The following SLCO6A1 variants were observed in gnomAD, a reference collection of about 807,000 sequenced individuals.
The protein encoded by SLCO6A1 is solute carrier organic anion transporter family member 6A1, also known as cancer/testis antigen 48.
A neutral mutation model predicts 72.7 loss-of-function variants in SLCO6A1; 65 were observed. The observed-to-expected ratio is 0.89, with a 90% CI of 0.73 to 1.10. The LOEUF (loss-of-function observed/expected upper bound fraction) is 1.10. Ranked by LOEUF, SLCO6A1 falls within the 50% of genes least tolerant of loss-of-function variation. The pLI, the probability that SLCO6A1 is intolerant of heterozygous loss-of-function variation, is 0.00. For synonymous variants in SLCO6A1, 314 were observed against 298.2 expected, an observed-to-expected ratio of 1.05 and a Z score of -0.55; for missense variants, 874 against 872.6, an observed-to-expected ratio of 1.00 and a Z score of -0.02.
In SLCO6A1 at chr5:102,388,785, T is replaced by C. The variant is rs750919992; in HGVS notation, c.1920A>G (p.Glu640=). 1 of 1,608,596 alleles carries C rather than the reference T, an allele frequency of 6.2e-7. No homozygotes were observed. The highest frequency in any genetic ancestry group is 8.5e-7 in the Non-Finnish European group (1 of 1,178,316). Reference sequence around the variant, plus strand: ...TAACATCCCGTAAAATACAAGAAGTTTCTCCTGACATTTTAAAGATTGATG... The same window carrying C: ...TAACATCCCGTAAAATACAAGAAGTCTCTCCTGACATTTTAAAGATTGATG... The part of the protein sequence containing the change: ...PGPSIFKMSG[E]TSCILRDVNK... Residue 640 remains glutamate, a synonymous_variant, in exon 12 of 14, where the codon GAA becomes GAG. Coordinates refer to ENST00000506729, the MANE Select transcript of SLCO6A1 (RefSeq NM_173488.5).
chr5:102,410,673 T>C (rs918774323), intron 9 of SLCO6A1, among the ~76,000 whole-genome samples: 2 of 152,134 alleles, frequency 1.3e-5, no homozygotes, highest in Non-Finnish European at 2.9e-5. Context: ...GTGTTAGCAT[T>C]TTCCCAGAGA....
rs762072743 is a variant in SLCO6A1, at chr5:102,498,782, C to A, written c.63G>T (p.Pro21=). 3.7e-6 allele frequency: 6 copies of A among 1,614,032 alleles called. No individual in the cohort carries two copies. In the Admixed American group the frequency reaches 5.0e-5, roughly 13 times the overall value. Residue 21 remains proline (P), a synonymous_variant, in exon 1 of 14, where the codon CCG becomes CCT. Transcript: ENST00000506729. ...CAGGCTGGGCCCGCGCGGCCTCCAG[C>A]GGCTCTACTCCCCTTGAGACTTCAT... ...SQDEVSRGVE[P]LEAARAQPAK...
At chr5:102,399,481 A>C (rs1747277818) in intron 10 of SLCO6A1, 74 bp downstream of exon 10, 1 of 1,010,498 alleles carries the variant, frequency 9.9e-7, no homozygotes, top group Admixed American at 4.1e-5. Context: ...ATTTGCTACA[A>C]TATTCTAAAA....
chr5:102,496,286 T>C (rs1199522464), intron 1 of SLCO6A1, among the ~76,000 whole-genome samples: 1 of 152,252 alleles, frequency 6.6e-6, no homozygotes, highest in Non-Finnish European at 1.5e-5. Context: ...GTATTGTTTG[T>C]ACTGCCTTTG....
At position 102,498,908 on chromosome 5, in the gene SLCO6A1, G is replaced by A; in HGVS notation, c.-64C>T. 2 of 1,477,382 alleles carry A rather than the reference G, an allele frequency of 1.4e-6. No individual in the cohort carries two copies. The highest frequency in any genetic ancestry group is 1.8e-6 in the Non-Finnish European group (2 of 1,102,118). The allele number at this position is 1,477,382 out of a possible 1,614,324, so 91.5% of individuals were successfully genotyped here. A position where few individuals can be genotyped will look rare whatever the true frequency, so the allele number is the denominator to read the frequency against. On this transcript the variant is annotated 5_prime_UTR_variant, in exon 1 of 14. Transcript: ENST00000506729. ...GCTCTCGGCTGCCCGTCCTGCCTGGGCCAACCCAAAGGCCAGCCTGGCGAG... is the reference window on the plus strand; with the variant it reads ...GCTCTCGGCTGCCCGTCCTGCCTGGACCAACCCAAAGGCCAGCCTGGCGAG...
chr5:102,456,763 A>G (rs1360916493), intron 6 of SLCO6A1, among the ~76,000 whole-genome samples: 5 of 152,176 alleles, frequency 3.3e-5, no homozygotes, highest in Non-Finnish European at 7.3e-5. Flanking sequence ...TTTAAAGTTC[A>G]TATGGAACCA....
In SLCO6A1 at chr5:102,498,933, G is replaced by T; in HGVS notation, c.-89C>A. The T allele has an allele frequency of 7.9e-7, 1 of 1,262,884 alleles. No homozygotes were observed. Among genetic ancestry groups the T allele is most frequent in the Non-Finnish European group, 1.1e-6 (1 of 916,568 alleles). 78.2% of individuals were successfully genotyped at this position (1,262,884 alleles called of 1,614,324 possible). On this transcript the variant is annotated 5_prime_UTR_variant, in exon 1 of 14. Transcript: ENST00000506729. Reference sequence around the variant, plus strand: ...GCCAACCCAAAGGCCAGCCTGGCGAGGGCGTCGGAGGACTCGGTGGCCACA... The same window carrying T: ...GCCAACCCAAAGGCCAGCCTGGCGATGGCGTCGGAGGACTCGGTGGCCACA...
chr5:102,471,778 C>G (rs1323846864), intron 4 of SLCO6A1, among the ~76,000 whole-genome samples: 2 of 151,984 alleles, frequency 1.3e-5, no homozygotes, highest in Non-Finnish European at 2.9e-5. Flanking sequence ...TTAACTCACA[C>G]TAGATCATTT....
chr5:102,458,456 G>A lies in SLCO6A1; in HGVS notation c.1057C>T (p.Leu353Phe). 1 of 1,612,678 alleles carries A rather than the reference G, an allele frequency of 6.2e-7. No homozygotes were observed. Among genetic ancestry groups the A allele is most frequent in the East Asian group, 2.2e-5 (1 of 44,740 alleles). Residue 353 changes from leucine (L) to phenylalanine (F), a missense_variant, in exon 6 of 14, where the codon CTT becomes TTT. By Grantham distance (22) the Leu-to-Phe change is conservative. Coordinates refer to ENST00000506729, the MANE Select transcript of SLCO6A1 (RefSeq NM_173488.5). ...TTAAGTCTGCTGTCAAAAAAATGAAGCTGTTTACGTTTCCTAGCTTTTATC... is the reference window on the plus strand; with the variant it reads ...TTAAGTCTGCTGTCAAAAAAATGAAACTGTTTACGTTTCCTAGCTTTTATC... ...TRIKARKRKQ[L>F]HFFDSRLKDL...
At chr5:102,443,498 C>T (rs1205259824) in intron 6 of SLCO6A1, among the ~76,000 whole-genome samples, 1 of 152,176 alleles carries the variant, frequency 6.6e-6, no homozygotes, top group Admixed American at 6.5e-5. Flanking sequence ...GGTGTCCTTA[C>T]TGGACATTGT....
intron 7 of SLCO6A1, among the ~76,000 whole-genome samples, chr5:102,435,853 C>T (rs1749500682): frequency 1.4e-5 from 2 of 146,042 alleles, no homozygotes; most frequent in African/African-American, 5.1e-5. Context: ...CCAGCCTGGG[C>T]AACAAGAGTG....
chr5:102,405,125 A>C (rs1157787724), intron 9 of SLCO6A1, among the ~76,000 whole-genome samples: 1 of 152,090 alleles, frequency 6.6e-6, no homozygotes, highest in African/African-American at 2.4e-5. Flanking sequence ...TAAGTCCTCC[A>C]AGTCTCATCC....
At chr5:102,398,575 C>A (rs1747228563) in intron 10 of SLCO6A1, among the ~76,000 whole-genome samples, 1 of 152,172 alleles carries the variant, frequency 6.6e-6, no homozygotes, top group African/African-American at 2.4e-5. Context: ...AAAATGCCAT[C>A]TGATCACTTT....
chr5:102,480,260 G>A lies in SLCO6A1; in HGVS notation c.533C>T (p.Ser178Phe). 1 of 1,613,144 alleles carries A rather than the reference G, an allele frequency of 6.2e-7. No individual in the cohort carries two copies. The highest frequency in any genetic ancestry group is 8.5e-7 in the Non-Finnish European group (1 of 1,179,478). The change falls in exon 2 of 14, where the codon TCC becomes TTC. Residue 178 changes from serine to phenylalanine, a missense_variant. Transcript: ENST00000506729. ...AAGTGATCCAAGTCCTATTAAAAAG[G>A]AGGAAGCTACAAACCATATTACTTT... ...RKKVIWFVASSFLIGLGSLLC... is the reference protein window; with the variant it reads ...RKKVIWFVASFFLIGLGSLLC...
intron 6 of SLCO6A1, among the ~76,000 whole-genome samples, chr5:102,441,619 G>A (rs1385092135): frequency 6.6e-6 from 1 of 151,956 alleles, no homozygotes; most frequent in Non-Finnish European, 1.5e-5. Flanking sequence ...TACTTGCATT[G>A]GATTCATAGA....
intron 9 of SLCO6A1, among the ~76,000 whole-genome samples, chr5:102,407,212 C>A (rs1019413464): frequency 6.6e-6 from 1 of 152,146 alleles, no homozygotes; most frequent in African/African-American, 2.4e-5. Context: ...TAGTTACCAC[C>A]CCTTTCCATG....
chr5:102,399,303 T>C (rs982516956), intron 10 of SLCO6A1, among the ~76,000 whole-genome samples: 2 of 152,020 alleles, frequency 1.3e-5, no homozygotes, highest in African/African-American at 2.4e-5. Flanking sequence ...AATGTTTCTA[T>C]GTGTGTTAAA....
At chr5:102,418,663 T>G (rs1336379531) in intron 8 of SLCO6A1, among the ~76,000 whole-genome samples, 2 of 152,158 alleles carry the variant, frequency 1.3e-5, no homozygotes, top group Admixed American at 1.3e-4. Context: ...GAGACCAAAT[T>G]AACTCCTGGC....
intron 7 of SLCO6A1, among the ~76,000 whole-genome samples, chr5:102,436,075 A>G (rs1031491708): frequency 6.6e-6 from 1 of 152,202 alleles, no homozygotes; most frequent in African/African-American, 2.4e-5. Flanking sequence ...TTGGCACCCA[A>G]GGACAAAGAC....
Sources: allele counts gnomAD v4.1 joint callset (sites outside exome capture counted in the v4.1 genomes callset), GRCh38; gene constraint gnomAD v4.1.1; transcripts MANE v1.5; gene names NCBI Gene and HGNC (gene_info 2026-07-23, HGNC 2026-07-21).